DNAH14: variants seen among roughly 807,000 people sequenced by gnomAD.
The protein encoded by DNAH14 is axonemal beta dynein heavy chain 14.
A neutral mutation model predicts 520.9 loss-of-function variants in DNAH14; 478 were observed. The observed-to-expected ratio is 0.92, with a 90% CI of 0.85 to 0.99. The LOEUF (loss-of-function observed/expected upper bound fraction) is 0.99. Ranked by LOEUF, DNAH14 falls within the 50% of genes least tolerant of loss-of-function variation. DNAH14 has a pLI of 0.00. For missense variants in DNAH14, 4,831 were observed against 5,234.5 expected (o/e 0.92, Z 2.38); for synonymous variants, 1,581 against 1,757.2 (o/e 0.90, Z 2.51).
chr1:225,106,350 A>G (rs1412041345), intron 23 of DNAH14, among the ~76,000 whole-genome samples: 1 of 151,642 alleles, frequency 6.6e-6, no homozygotes, highest in Non-Finnish European at 1.5e-5. Context: ...GAATCTGACA[A>G]TTATGTGTCT....
chr1:225,052,126 A>G (rs1035732460), intron 17 of DNAH14, among the ~76,000 whole-genome samples: 1 of 152,182 alleles, frequency 6.6e-6, no homozygotes, highest in Non-Finnish European at 1.5e-5. Flanking sequence ...TTTGTTGATC[A>G]TCTATTCCAT....
rs113885767 is a variant in DNAH14, at chr1:225,372,725, A to T, written c.12319-1963A>T. On this transcript the variant is annotated intron_variant, in intron 77 of 85. Transcript: ENST00000682510. ...AGATAGGCATATTTGATTACAAAAAACTTTTATATGGTAAATGGTGGCAAA... is the reference window on the plus strand; with the variant it reads ...AGATAGGCATATTTGATTACAAAAATCTTTTATATGGTAAATGGTGGCAAA... Among the ~76,000 whole-genome samples the T allele has an allele frequency of 8.1e-3, 1,234 of 152,320 alleles. 11 individuals carry two copies. Among genetic ancestry groups the T allele is most frequent in the Non-Finnish European group, 0.014 (964 of 68,024 alleles).
chr1:225,309,268 G>A (rs2094308641), intron 60 of DNAH14, among the ~76,000 whole-genome samples: 1 of 152,152 alleles, frequency 6.6e-6, no homozygotes, highest in Non-Finnish European at 1.5e-5. Flanking sequence ...GTGTCAGCCT[G>A]CCTTTTGCTT....
At chr1:225,101,172 AG>A (rs1186485171) in intron 23 of DNAH14, among the ~76,000 whole-genome samples, 2 of 151,916 alleles carry the variant, frequency 1.3e-5, no homozygotes, top group Non-Finnish European at 2.9e-5. Context: ...TTTTAATATA[AG>A]AAATGACTTC....
intron 34 of DNAH14, among the ~76,000 whole-genome samples, chr1:225,155,317 TAATA>T (rs2080919812): frequency 6.6e-6 from 1 of 152,126 alleles, no homozygotes; most frequent in African/African-American, 2.4e-5. Context: ...TAAAACATAA[TAATA>T]TGGATTGCTG....
At chr1:225,140,137 A>G (rs2149017550) in intron 27 of DNAH14, among the ~76,000 whole-genome samples, 1 of 152,322 alleles carries the variant, frequency 6.6e-6, no homozygotes. Flanking sequence ...CCCTGAATGA[A>G]TTCACTGTGC....
At position 225,290,090 on chromosome 1, in the gene DNAH14, C is replaced by G. The variant is rs533665769; in HGVS notation, c.8469+8C>G. The G allele has an allele frequency of 1.4e-6, 2 of 1,404,116 alleles. No individual in the cohort carries two copies. The highest frequency in any genetic ancestry group is 1.9e-6 in the Non-Finnish European group (2 of 1,066,710). 87.0% of individuals were successfully genotyped at this position (1,404,116 alleles called of 1,614,324 possible). Reference sequence around the variant, plus strand: ...AATTTAAACATAGAACAAGTAAGTACTTTTTGTCTTTGCTATTTGCTGAAG... The same window carrying G: ...AATTTAAACATAGAACAAGTAAGTAGTTTTTGTCTTTGCTATTTGCTGAAG... On this transcript the variant is annotated splice_region_variant and intron_variant, in intron 55 of 85. Coordinates refer to ENST00000682510, the MANE Select transcript of DNAH14 (RefSeq NM_001367479.1).
chr1:225,023,892 G>GA, intron 11 of DNAH14, 27 bp downstream of exon 11: 2 of 1,499,566 alleles, frequency 1.3e-6, no homozygotes, highest in Non-Finnish European at 1.8e-6. Flanking sequence ...AAGTCAAAAA[G>GA]TAACTTACAA....
intron 48 of DNAH14, among the ~76,000 whole-genome samples, chr1:225,266,002 G>C (rs746698060): frequency 1.2e-4 from 18 of 151,692 alleles, no homozygotes; most frequent in Non-Finnish European, 2.7e-4. Context: ...GGTTTTTTAC[G>C]TTGCTTCTTT....
intron 41 of DNAH14, 114 bp from the exon 42 acceptor site, chr1:225,230,959 G>T (rs552056542): frequency 6.2e-6 from 4 of 645,540 alleles, no homozygotes. Flanking sequence ...GTTAAATAAA[G>T]ATATTCTATG....
chr1:225,194,174 T>C (rs2085805360), intron 38 of DNAH14, among the ~76,000 whole-genome samples: 1 of 152,134 alleles, frequency 6.6e-6, no homozygotes, highest in Admixed American at 6.6e-5. Context: ...GTGACATTTT[T>C]CACAGAATTA....
intron 3 of DNAH14, among the ~76,000 whole-genome samples, chr1:224,955,582 T>C (rs746509110): frequency 1.1e-4 from 16 of 152,282 alleles, no homozygotes; most frequent in Non-Finnish European, 2.2e-4. Flanking sequence ...TTTTATTTTT[T>C]ACCACAACTT....
intron 1 of DNAH14, among the ~76,000 whole-genome samples, chr1:224,939,813 G>A (rs1294090209): frequency 2.0e-5 from 3 of 152,192 alleles, no homozygotes; most frequent in Non-Finnish European, 4.4e-5. Context: ...GTTTGGCTCA[G>A]TGTCCCCACC....
intron 34 of DNAH14, among the ~76,000 whole-genome samples, chr1:225,156,241 T>C (rs978317526): frequency 1.3e-5 from 2 of 152,210 alleles, no homozygotes; most frequent in Non-Finnish European, 2.9e-5. Context: ...TAAATTAAAA[T>C]GGAAAGCAGT....
Position 225,023,626 on chromosome 1 carries a change from G to T in DNAH14, c.1119G>T (p.Lys373Asn). The change falls in exon 11 of 86, where the codon AAG becomes AAT. Residue 373 changes from lysine to asparagine, a missense_variant. Physicochemically the swap from Lys to Asn is moderately conservative, Grantham distance 94. Transcript: ENST00000682510. ...MKSTFLKVAE[K>N]NEIKEYFESK... ...TTTTTAAATTGTAGGTTGCAGAAAA[G>T]AATGAAATCAAAGAGTATTTTGAGT... 3 of 1,520,106 alleles carry T rather than the reference G, an allele frequency of 2.0e-6. No individual in the cohort carries two copies. Among genetic ancestry groups the T allele is most frequent in the Non-Finnish European group, 2.7e-6 (3 of 1,128,814 alleles). The allele number at this position is 1,520,106 out of a possible 1,614,324, so 94.2% of individuals were successfully genotyped here.
chr1:225,070,019 AGTT>A (rs1453552129), intron 17 of DNAH14, among the ~76,000 whole-genome samples: 1 of 151,972 alleles, frequency 6.6e-6, no homozygotes, highest in East Asian at 1.9e-4. Flanking sequence ...GTTTTCTGAT[AGTT>A]GTTTGTATTT....
chr1:225,336,073 A>G (rs1366296485), intron 66 of DNAH14, among the ~76,000 whole-genome samples: 2 of 143,392 alleles, frequency 1.4e-5, no homozygotes, highest in African/African-American at 5.4e-5. Flanking sequence ...ATACATACAT[A>G]CTTATATATA....
chr1:225,274,194 G>GTTTTTTTTTTTTTTTTTTTTTTTTTTTT lies in DNAH14; in HGVS notation c.8010+1071_8010+1072insTTTTTTTTTTTTTTTTTTTTTTTTTTTT, dbSNP rs1193834939. On this transcript the variant is annotated intron_variant, in intron 52 of 85. Transcript: ENST00000682510. ...TTTCTCTGCATCCTCACCAGCATCT[G>GTTTTTTTTTTTTTTTTTTTTTTTTTTTT]TTATTTTTTTTTTTTTTTTTTTTTT... Among the ~76,000 whole-genome samples the GTTTTTTTTTTTTTTTTTTTTTTTTTTTT allele has an allele frequency of 4.2e-5, 5 of 120,320 alleles. 2 individuals are homozygous for GTTTTTTTTTTTTTTTTTTTTTTTTTTTT. The highest frequency in any genetic ancestry group is 6.8e-5 in the African/African-American group (2 of 29,440). The allele number at this position is 120,320 out of a possible 152,430, so 78.9% of individuals were successfully genotyped here.
At chr1:225,062,315 AG>A (rs2070264270) in intron 17 of DNAH14, among the ~76,000 whole-genome samples, 1 of 152,002 alleles carries the variant, frequency 6.6e-6, no homozygotes, top group Admixed American at 6.6e-5. Flanking sequence ...AGAGAGAGAG[AG>A]AGAAAGAAAG....
Sources: gnomAD v4.1 joint callset for allele counts (sites outside exome capture counted in the v4.1 genomes callset) on GRCh38, gnomAD v4.1.1 for gene constraint, MANE v1.5 for transcripts, NCBI Gene and HGNC (gene_info 2026-07-23, HGNC 2026-07-21) for gene names.